The following ZRSR2 variants were observed in gnomAD, a reference collection of about 807,000 sequenced individuals.
ZRSR2 encodes the protein U2 small nuclear ribonucleoprotein auxiliary factor 35 kDa subunit-related protein 2.
A neutral mutation model predicts 39.4 loss-of-function variants in ZRSR2; 3 were observed. That is an observed-to-expected ratio of 0.08 (90% CI 0.03 to 0.20). ZRSR2 has a LOEUF of 0.20. Among genes scored for constraint, ZRSR2 ranks in the 10% least tolerant of loss-of-function variants. The pLI is 1.00. For missense variants in ZRSR2, 256 were observed against 391.5 expected (o/e 0.65, Z 2.92); for synonymous variants, 137 against 136.0 (o/e 1.01, Z -0.05).
chrX:15,791,638 T>TTTTTC (rs1569062082), intron 2 of ZRSR2, among the ~76,000 whole-genome samples: 4 of 96,815 alleles, frequency 4.1e-5, no homozygotes, highest in African/African-American at 1.2e-4. Context: ...CCTGGCTAAT[T>TTTTTC]TTTTCTTTTC....
At chrX:15,816,683 T>G (rs1207218309) in intron 8 of ZRSR2, among the ~76,000 whole-genome samples, 12 of 111,167 alleles carry the variant, frequency 1.1e-4, no homozygotes, top group African/African-American at 3.9e-4. Context: ...AATGCCTTTG[T>G]TATGTTAAGG....
chrX:15,799,308 G>A (rs1932586823), intron 2 of ZRSR2, among the ~76,000 whole-genome samples: 1 of 110,992 alleles, frequency 9.0e-6, no homozygotes, highest in Non-Finnish European at 1.9e-5. Flanking sequence ...TTCCTAGCAA[G>A]CTTTCATTCG....
At chrX:15,803,411 G>A (rs1232726928) in intron 3 of ZRSR2, among the ~76,000 whole-genome samples, 1 of 111,803 alleles carries the variant, frequency 8.9e-6, no homozygotes, top group Non-Finnish European at 1.9e-5. Flanking sequence ...AAGTCATAGT[G>A]TCCTTTTTTC....
intron 2 of ZRSR2, among the ~76,000 whole-genome samples, chrX:15,797,980 C>T (rs185874908): frequency 5.3e-5 from 6 of 112,272 alleles, no homozygotes; most frequent in Admixed American, 3.8e-4. Context: ...GCCATATCCT[C>T]TGTGCCAGGT....
At chrX:15,814,481 C>T (rs961975973) in intron 7 of ZRSR2, among the ~76,000 whole-genome samples, 13 of 111,457 alleles carry the variant, frequency 1.2e-4, no homozygotes, top group Non-Finnish European at 2.1e-4. Context: ...TAAAATTATC[C>T]GGGTGTGGTG....
Position 15,815,716 on chromosome X carries a change from C to G in ZRSR2, c.597C>G (p.Thr199=). Residue 199 remains threonine (T), a synonymous_variant, in exon 8 of 11, where the codon ACC becomes ACG. Transcript: ENST00000307771. Reference sequence around the variant, plus strand: ...ATAATTTCCCAACATCCAGTCCTACCCTTCTTATTAAGAGCATGTTTACGA... The same window carrying G: ...ATAATTTCCCAACATCCAGTCCTACGCTTCTTATTAAGAGCATGTTTACGA... ...RKHNFPTSSP[T]LLIKSMFTTF... 8.3e-7 allele frequency: 1 copy of G among 1,209,948 alleles called. No individual in the cohort carries two copies. The highest frequency in any genetic ancestry group is 3.0e-5 in the East Asian group (1 of 33,821).
intron 10 of ZRSR2, among the ~76,000 whole-genome samples, chrX:15,821,884 G>C (rs946445006): frequency 9.0e-6 from 1 of 111,537 alleles, no homozygotes; most frequent in Non-Finnish European, 1.9e-5. Context: ...GATTTTATCT[G>C]TGATAAGAAT....
chrX:15,822,343 C>T (rs1366158395), intron 10 of ZRSR2, among the ~76,000 whole-genome samples: 1 of 111,661 alleles, frequency 9.0e-6, no homozygotes, highest in African/African-American at 3.3e-5. Flanking sequence ...GCCATCAAAC[C>T]GTGCTACCAC....
chrX:15,812,682 T>G (rs1569071034), intron 7 of ZRSR2, among the ~76,000 whole-genome samples: 1 of 112,266 alleles, frequency 8.9e-6, no homozygotes, highest in Non-Finnish European at 1.9e-5. Flanking sequence ...CCTCACTTAC[T>G]TCCAAAAGTG....
At position 15,818,521 on chromosome X, in the gene ZRSR2, A is replaced by G. The variant is rs148080867; in HGVS notation, c.772-66A>G. On this transcript the variant is annotated intron_variant, in intron 8 of 10. Coordinates refer to ENST00000307771, the MANE Select transcript of ZRSR2 (RefSeq NM_005089.4). Reference sequence around the variant, plus strand: ...TGGGGAATGTTAGCCTGGACAAACAACATTTGATGAATGGCTGGTTTCTTT... The same window carrying G: ...TGGGGAATGTTAGCCTGGACAAACAGCATTTGATGAATGGCTGGTTTCTTT... 5,845 of 1,004,469 alleles carry G rather than the reference A, an allele frequency of 5.8e-3. 176 individuals carry two copies. In the African/African-American group the frequency reaches 0.093, roughly 16 times the overall value. The allele number at this position is 1,004,469 out of a possible 1,213,427, so 82.8% of individuals were successfully genotyped here.
At position 15,793,417 on chromosome X, in the gene ZRSR2, T is replaced by C. The variant is rs371482909; in HGVS notation, c.121+2404T>C. ...CCAGGTCACTGGTCTGTCAAGATTA[T>C]GTAACTAATGGCATATCCAAGACTA... On this transcript the variant is annotated intron_variant, in intron 2 of 10. Coordinates refer to ENST00000307771, the MANE Select transcript of ZRSR2 (RefSeq NM_005089.4). Among the ~76,000 whole-genome samples the C allele has an allele frequency of 4.5e-5, 5 of 111,839 alleles. No homozygotes were observed. The East Asian group carries it at 8.4e-4, about 19-fold the overall frequency.
Position 15,804,177 on chromosome X carries a change from CA to C in ZRSR2, c.380del (p.Gln127ArgfsTer38). 1 of 1,197,173 alleles carries C rather than the reference CA, an allele frequency of 8.4e-7. No homozygotes were observed. The highest frequency in any genetic ancestry group is 1.1e-6 in the Non-Finnish European group (1 of 889,989). On this transcript the variant is annotated frameshift_variant, in exon 5 of 11. Transcript: ENST00000307771. LOFTEE classifies it high-confidence loss of function. ...KEREEEEQKR[Q>X]EKKEKEEALQ... ...GAGAGAAGAGGAGGAGCAGAAACGA[CA>C]GGAGAAGAAAGAAAAAGAGGTGATT... is the stretch of plus-strand genomic sequence containing the variant.
rs780460054 is a variant in ZRSR2 at position 15,822,758 on chromosome X, G to A, written c.965G>A (p.Arg322Lys). Residue 322 changes from arginine (R) to lysine (K), a missense_variant, in exon 11 of 11, where the codon AGA (arginine) becomes AAA (lysine). Transcript: ENST00000307771. ...TTATTTGAAATACAACAATGTCCAA[G>A]AGGAAAGCACTGCAACTTTCTTCAT... ...CGLFEIQQCP[R>K]GKHCNFLHVF... 4 of 1,212,435 alleles carry A rather than the reference G, an allele frequency of 3.3e-6. No individual in the cohort carries two copies. The highest frequency in any genetic ancestry group is 4.5e-6 in the Non-Finnish European group (4 of 895,680).
intron 6 of ZRSR2, among the ~76,000 whole-genome samples, chrX:15,808,522 G>A (rs1450465728): frequency 2.7e-5 from 3 of 111,234 alleles, no homozygotes; most frequent in Non-Finnish European, 3.8e-5. Context: ...ATCACATACC[G>A]TTAGCCTCCA....
chrX:15,818,461 A>G (rs1933024260), intron 8 of ZRSR2, 126 bp from the exon 9 acceptor site: 1 of 548,447 alleles, frequency 1.8e-6, no homozygotes, highest in African/African-American at 2.3e-5. Context: ...GTCAGCTAGT[A>G]TCTCTATTTT....
chrX:15,808,137 T>C lies in ZRSR2; in HGVS notation c.400-96T>C, dbSNP rs1166255118. The stretch of plus-strand genomic sequence containing the variant: ...ACTAGAACTTGTGTGCGTGTGTGTG[T>C]TTTAATTGTTCCACTTGAGATTCTT... On this transcript the variant is annotated intron_variant, in intron 5 of 10. Coordinates refer to ENST00000307771, the MANE Select transcript of ZRSR2 (RefSeq NM_005089.4). The C allele has an allele frequency of 1.2e-5, 9 of 758,819 alleles. No individual in the cohort carries two copies. In the Admixed American group the frequency reaches 2.1e-4, roughly 18 times the overall value. The allele number at this position is 758,819 out of a possible 1,213,427, so 62.5% of individuals were successfully genotyped here. A position where few individuals can be genotyped will look rare whatever the true frequency, so the allele number is the denominator to read the frequency against.
intron 3 of ZRSR2, among the ~76,000 whole-genome samples, chrX:15,802,900 G>A (rs1027344954): frequency 5.4e-5 from 6 of 111,284 alleles, no homozygotes; most frequent in African/African-American, 1.6e-4. Context: ...ACTGTGTGTA[G>A]TAGTAGTCCA....
At chrX:15,813,347 C>G (rs1318282201) in intron 7 of ZRSR2, among the ~76,000 whole-genome samples, 3 of 111,999 alleles carry the variant, frequency 2.7e-5, no homozygotes, top group Non-Finnish European at 5.6e-5. Context: ...TATGGGTCCC[C>G]CACCCCTTGA....
In ZRSR2 at chrX:15,795,911, G is replaced by A. The variant is rs185428828; in HGVS notation, c.122-3961G>A. Among the ~76,000 whole-genome samples the A allele has an allele frequency of 3.7e-3, 420 of 112,047 alleles. 2 individuals are homozygous for A. The highest frequency in any genetic ancestry group is 0.012 in the African/African-American group (385 of 30,878). Reference sequence around the variant, plus strand: ...GCCAAGGCGGGTGGATCACGAGGTCGGGACTTCGAGGGCAGCCTGGCCAAC... The same window carrying A: ...GCCAAGGCGGGTGGATCACGAGGTCAGGACTTCGAGGGCAGCCTGGCCAAC... On this transcript the variant is annotated intron_variant, in intron 2 of 10. Transcript: ENST00000307771.
Sources: gnomAD v4.1 joint callset for allele counts (sites outside exome capture counted in the v4.1 genomes callset) on GRCh38, gnomAD v4.1.1 for gene constraint, MANE v1.5 for transcripts, NCBI Gene and HGNC (gene_info 2026-07-23, HGNC 2026-07-21) for gene names.